The following VRK2 variants were observed in gnomAD, a reference collection of about 807,000 sequenced individuals.
VRK2 encodes serine/threonine-protein kinase VRK2.
In VRK2, 60 loss-of-function variants were observed where a neutral mutation model predicts 57.6. The ratio of observed to expected loss-of-function variants is 1.04; its 90% confidence interval spans 0.85 to 1.29. The LOEUF is 1.29. Among genes scored for constraint, VRK2 ranks in the 50% most tolerant of loss-of-function variants. VRK2 has a pLI of 0.00. For missense variants in VRK2, 705 were observed against 588.1 expected, an observed-to-expected ratio of 1.20 and a Z score of -2.06; for synonymous variants, 231 against 199.2, an observed-to-expected ratio of 1.16 and a Z score of -1.35.
intron 1 of VRK2, among the ~76,000 whole-genome samples, chr2:57,959,644 T>C (rs1671694102): frequency 1.3e-5 from 2 of 152,124 alleles, no homozygotes; most frequent in South Asian, 4.1e-4. Context: ...CAGAAAGCGC[T>C]GCAAGTGCCA....
At chr2:58,019,224 G>C (rs373169938) in intron 1 of VRK2, among the ~76,000 whole-genome samples, 1 of 152,128 alleles carries the variant, frequency 6.6e-6, no homozygotes, top group Non-Finnish European at 1.5e-5. Flanking sequence ...AAATTTTTAC[G>C]TTGCTATCAC....
intron 1 of VRK2, among the ~76,000 whole-genome samples, chr2:57,943,333 C>T (rs569335785): frequency 6.6e-6 from 1 of 152,230 alleles, no homozygotes; most frequent in South Asian, 2.1e-4. Context: ...AAATAGCATA[C>T]TATATTTGTT....
intron 12 of VRK2, among the ~76,000 whole-genome samples, chr2:58,146,683 C>T (rs1449524514): frequency 1.3e-5 from 2 of 151,908 alleles, no homozygotes; most frequent in African/African-American, 2.4e-5. Context: ...AGCACATTTG[C>T]GTACAGATCT....
rs528095583 is a variant in VRK2, at chr2:58,102,112, C to T, written c.543+12389C>T. ...AAAAGATCTTTACTATTTAATATAGCCATTATGATTATTTCCTTGCAGAAA... is the reference window on the plus strand; with the variant it reads ...AAAAGATCTTTACTATTTAATATAGTCATTATGATTATTTCCTTGCAGAAA... On this transcript the variant is annotated intron_variant, in intron 7 of 12. Transcript: ENST00000340157. 2.0e-5 allele frequency among the ~76,000 whole-genome samples: 3 copies of T among 151,460 alleles called. No individual in the cohort carries two copies. In the South Asian group the frequency reaches 6.2e-4, roughly 31 times the overall value.
intron 12 of VRK2, among the ~76,000 whole-genome samples, chr2:58,157,789 A>C (rs940712967): frequency 6.6e-6 from 1 of 152,216 alleles, no homozygotes; most frequent in Non-Finnish European, 1.5e-5. Context: ...TTTTCAGTTT[A>C]CTTTCCATAC....
chr2:58,089,586 G>T, intron 6 of VRK2, 45 bp from the exon 7 acceptor site: 1 of 1,259,228 alleles, frequency 7.9e-7, no homozygotes. Context: ...TTGATCATGA[G>T]TTCTAAATAG....
At chr2:58,009,423 G>GAT (rs1338732358) in intron 1 of VRK2, among the ~76,000 whole-genome samples, 5 of 151,232 alleles carry the variant, frequency 3.3e-5, no homozygotes. Flanking sequence ...ATGACCATGT[G>GAT]ATATATAAAC....
At chr2:58,084,279 A>G (rs1045955966) in intron 3 of VRK2, 141 bp downstream of exon 3, 13 of 844,298 alleles carry the variant, frequency 1.5e-5, no homozygotes, top group Non-Finnish European at 1.9e-5. Context: ...CGTTGTTAAA[A>G]CATTAAAACT....
chr2:58,119,037 C>T (rs1260478695), intron 7 of VRK2, among the ~76,000 whole-genome samples: 1 of 152,064 alleles, frequency 6.6e-6, no homozygotes, highest in Admixed American at 6.5e-5. Context: ...CTTTTCACTT[C>T]TTTTGTGATT....
intron 1 of VRK2, among the ~76,000 whole-genome samples, chr2:57,975,596 C>G (rs542730998): frequency 6.6e-6 from 1 of 151,862 alleles, no homozygotes; most frequent in Non-Finnish European, 1.5e-5. Flanking sequence ...TCCCGTCACC[C>G]AGACTGCAAA....
intron 7 of VRK2, among the ~76,000 whole-genome samples, chr2:58,108,132 C>G (rs772681799): frequency 6.6e-6 from 1 of 152,110 alleles, no homozygotes; most frequent in African/African-American, 2.4e-5. Flanking sequence ...CATTTTCTTA[C>G]CAAATCTCTC....
chr2:58,113,833 G>A lies in VRK2; in HGVS notation c.544-9268G>A, dbSNP rs183900990. ...ACCTGCAACTCACAGGGGATGCGACGGCTTGGCTTGGGCTCAGAGGCCTGA... is the reference window on the plus strand; with the variant it reads ...ACCTGCAACTCACAGGGGATGCGACAGCTTGGCTTGGGCTCAGAGGCCTGA... On this transcript the variant is annotated intron_variant, in intron 7 of 12. Transcript: ENST00000340157. Among the ~76,000 whole-genome samples the A allele has an allele frequency of 3.5e-3, 528 of 152,248 alleles. 7 individuals are homozygous for A. Among genetic ancestry groups the A allele is most frequent in the African/African-American group, 0.012 (490 of 41,528 alleles).
chr2:58,057,840 G>A (rs572674539), intron 2 of VRK2, among the ~76,000 whole-genome samples: 1 of 152,028 alleles, frequency 6.6e-6, no homozygotes, highest in Non-Finnish European at 1.5e-5. Context: ...GAGGTTTAAT[G>A]TACATTTTTT....
At chr2:58,030,769 C>CAT (rs1339394592) in intron 2 of VRK2, among the ~76,000 whole-genome samples, 1 of 152,000 alleles carries the variant, frequency 6.6e-6, no homozygotes, top group Non-Finnish European at 1.5e-5. Flanking sequence ...GAAAGTGATG[C>CAT]ATATGACTTT....
At chr2:57,917,577 C>A (rs1205054435) in intron 1 of VRK2, among the ~76,000 whole-genome samples, 1 of 149,660 alleles carries the variant, frequency 6.7e-6, no homozygotes, top group Admixed American at 6.7e-5. Context: ...CTGCTTTCAA[C>A]CAATTTATGA....
At chr2:58,098,305 GAAA>G (rs1195766633) in intron 7 of VRK2, among the ~76,000 whole-genome samples, 9 of 151,848 alleles carry the variant, frequency 5.9e-5, no homozygotes, top group Admixed American at 3.3e-4. Flanking sequence ...ATTGCAGAAA[GAAA>G]AAAACTGTAA....
chr2:58,036,071 T>C (rs1202770488), intron 3 of VRK2, among the ~76,000 whole-genome samples: 2 of 152,032 alleles, frequency 1.3e-5, no homozygotes, highest in Non-Finnish European at 2.9e-5. Flanking sequence ...ATGTCTGAGA[T>C]AGCTAAATAA....
chr2:58,068,555 G>A (rs754564753), intron 2 of VRK2, among the ~76,000 whole-genome samples: 1 of 152,010 alleles, frequency 6.6e-6, no homozygotes, highest in African/African-American at 2.4e-5. Flanking sequence ...TGAGTCTGTA[G>A]GCTTATGTGT....
chr2:57,924,060 C>G (rs1329230515), intron 1 of VRK2, among the ~76,000 whole-genome samples: 1 of 151,912 alleles, frequency 6.6e-6, no homozygotes, highest in Non-Finnish European at 1.5e-5. Flanking sequence ...TCTGTGTTCT[C>G]TCTTCCGTTC....
Sources: gnomAD v4.1 joint callset for allele counts (sites outside exome capture counted in the v4.1 genomes callset) on GRCh38, gnomAD v4.1.1 for gene constraint, MANE v1.5 for transcripts, NCBI Gene and HGNC (gene_info 2026-07-23, HGNC 2026-07-21) for gene names.